SAP130: variants seen among roughly 807,000 people sequenced by gnomAD.
SAP130 encodes the protein histone deacetylase complex subunit SAP130.
Under a neutral mutation model 103.2 loss-of-function variants are expected in SAP130, and 16 were observed. That is an observed-to-expected ratio of 0.16 (90% CI 0.10 to 0.24). The LOEUF is 0.24. Among genes scored for constraint, SAP130 ranks in the 10% least tolerant of loss-of-function variants. The probability of loss-of-function intolerance (pLI) is 1.00; values close to 1 mark genes in which losing one functional copy is unlikely to be tolerated. For missense variants in SAP130, 990 were observed against 1,359.7 expected, an observed-to-expected ratio of 0.73 and a Z score of 4.28; for synonymous variants, 477 against 497.0, an observed-to-expected ratio of 0.96 and a Z score of 0.53.
intron 18 of SAP130, among the ~76,000 whole-genome samples, chr2:127,947,764 C>CTGTGTGTGTGAGTGTGTGTG (rs147211610): frequency 0.066 from 9,395 of 143,258 alleles, 398 homozygotes; most frequent in Middle Eastern, 0.093. Flanking sequence ...TTGTGTGTGT[C>CTGTGTGTGTGAGTGTGTGTG]TGTGTGTGTG....
chr2:128,003,146 G>A (rs1032808563), intron 7 of SAP130, among the ~76,000 whole-genome samples: 11 of 151,710 alleles, frequency 7.3e-5, no homozygotes, highest in Non-Finnish European at 1.6e-4. Context: ...AGACACTTGA[G>A]CCAGCAAAAA....
At chr2:128,004,591 A>T (rs113833001) in intron 7 of SAP130, among the ~76,000 whole-genome samples, 7 of 152,112 alleles carry the variant, frequency 4.6e-5, no homozygotes, top group African/African-American at 1.7e-4. Context: ...GCATAAACTG[A>T]CAGAGAAAAC....
chr2:127,975,908 G>T (rs935775355), intron 15 of SAP130, among the ~76,000 whole-genome samples: 2 of 152,114 alleles, frequency 1.3e-5, no homozygotes, highest in African/African-American at 2.4e-5. Context: ...GCAGTGGTGC[G>T]ATCTTGGCTC....
At chr2:128,018,549 TGA>T (rs1276843580) in intron 2 of SAP130, among the ~76,000 whole-genome samples, 3 of 150,598 alleles carry the variant, frequency 2.0e-5, no homozygotes, top group African/African-American at 7.4e-5. Context: ...CCTAGCATTT[TGA>T]GAGGCCAAGG....
chr2:127,976,061 T>C (rs1444788585), intron 15 of SAP130, among the ~76,000 whole-genome samples: 1 of 152,194 alleles, frequency 6.6e-6, no homozygotes, highest in African/African-American at 2.4e-5. Context: ...TTAGCCAGGA[T>C]GGTCTCTATC....
intron 1 of SAP130, among the ~76,000 whole-genome samples, chr2:128,026,688 G>A (rs1362558411): frequency 6.6e-6 from 1 of 152,212 alleles, no homozygotes; most frequent in East Asian, 1.9e-4. Flanking sequence ...AAGGTGAACA[G>A]AACTGTGATT....
intron 14 of SAP130, among the ~76,000 whole-genome samples, chr2:127,981,198 C>A (rs909287262): frequency 6.6e-6 from 1 of 151,794 alleles, no homozygotes; most frequent in African/African-American, 2.4e-5. Flanking sequence ...TTACAGGATG[C>A]GGTTAACATG....
At chr2:128,014,469 T>C (rs779627595) in intron 5 of SAP130, among the ~76,000 whole-genome samples, 16 of 152,046 alleles carry the variant, frequency 1.1e-4, no homozygotes, top group Admixed American at 5.2e-4. Context: ...CCTGAGTAGA[T>C]GGGACTACAG....
intron 7 of SAP130, among the ~76,000 whole-genome samples, chr2:128,005,035 G>A (rs1022507148): frequency 3.3e-5 from 5 of 152,164 alleles, no homozygotes; most frequent in South Asian, 2.1e-4. Context: ...CTTTCACTAC[G>A]CAGATGAACA....
chr2:127,959,242 A>C (rs1006621367), intron 15 of SAP130, among the ~76,000 whole-genome samples: 2 of 152,186 alleles, frequency 1.3e-5, no homozygotes, highest in Admixed American at 1.3e-4. Context: ...GGAGAAGCTG[A>C]TAACATGGAA....
intron 6 of SAP130, 124 bp downstream of exon 6, chr2:128,012,906 T>C: frequency 1.1e-6 from 1 of 896,270 alleles, no homozygotes; most frequent in South Asian, 2.7e-5. Context: ...ACACTGTGCA[T>C]CTTTCAAACT....
intron 14 of SAP130, among the ~76,000 whole-genome samples, chr2:127,979,231 G>A (rs1044487436): frequency 2.0e-5 from 3 of 152,310 alleles, no homozygotes; most frequent in South Asian, 2.1e-4. Context: ...AGAACACAAA[G>A]ATCAACAGCA....
At chr2:127,964,825 C>A (rs1003678777) in intron 15 of SAP130, among the ~76,000 whole-genome samples, 21 of 151,348 alleles carry the variant, frequency 1.4e-4, no homozygotes, top group Middle Eastern at 3.4e-3. Context: ...GGTGAAACCC[C>A]GTCTCTACTA....
intron 18 of SAP130, among the ~76,000 whole-genome samples, chr2:127,948,957 T>C (rs1245981115): frequency 2.6e-5 from 4 of 152,196 alleles, no homozygotes; most frequent in Admixed American, 1.3e-4. Flanking sequence ...TAGTGGTTCA[T>C]ATCCTACTTC....
Position 127,984,938 on chromosome 2 carries a change from C to T in SAP130, c.1958+1847G>A, listed in dbSNP as rs1573742176. Among the ~76,000 whole-genome samples the T allele has an allele frequency of 2.0e-5, 3 of 152,356 alleles. No homozygotes were observed. In the East Asian group the frequency reaches 5.8e-4, roughly 29 times the overall value. On this transcript the variant is annotated intron_variant, in intron 14 of 20. Coordinates refer to ENST00000643581, the MANE Select transcript of SAP130 (RefSeq NM_001330301.2). Reference sequence around the variant, plus strand: ...GTTTTAACTTATCCTCCTTAAAGGACAGAGCCCCTTCCTTCGCCCCCAGGA... The same window carrying T: ...GTTTTAACTTATCCTCCTTAAAGGATAGAGCCCCTTCCTTCGCCCCCAGGA...
At position 127,964,998 on chromosome 2, in the gene SAP130, C is replaced by CAAAA. The variant is rs33926216; in HGVS notation, c.2064-9658_2064-9655dup. 1.5e-4 allele frequency among the ~76,000 whole-genome samples: 20 copies of CAAAA among 136,446 alleles called. 3 individuals are homozygous for CAAAA. Among genetic ancestry groups the CAAAA allele is most frequent in the East Asian group, 4.4e-4 (2 of 4,524 alleles). 89.5% of individuals were successfully genotyped at this position (136,446 alleles called of 152,430 possible). On this transcript the variant is annotated intron_variant, in intron 15 of 20. Transcript: ENST00000643581. The stretch of plus-strand genomic sequence containing the variant: ...TGGGTGACAGAATGAGACTCTGTCT[C>CAAAA]AAAAAAAAAAAAAACAGGCTGGGTG...
At chr2:127,943,869 C>G (rs111730339) in intron 19 of SAP130, among the ~76,000 whole-genome samples, 7 of 152,300 alleles carry the variant, frequency 4.6e-5, no homozygotes, top group African/African-American at 1.7e-4. Flanking sequence ...AACAAATTAA[C>G]CGTAGCATAC....
chr2:127,982,993 T>C (rs1682061836), intron 14 of SAP130, among the ~76,000 whole-genome samples: 3 of 152,124 alleles, frequency 2.0e-5, no homozygotes, highest in South Asian at 2.1e-4. Flanking sequence ...ATGTGCTAAG[T>C]GCCCAAACTG....
chr2:127,953,738 T>C lies in SAP130; in HGVS notation c.2422+1248A>G, dbSNP rs1679647103. On this transcript the variant is annotated intron_variant, in intron 16 of 20. Transcript: ENST00000643581. This position sits in a 1 kb window ranked among gnomAD's most constrained non-coding sequence, Gnocchi z 4.0. ...TCCTCATGGCCAGGAACTTCATTTC[T>C]TTAATGTCTCTACTCAATGGTCACT... Among the ~76,000 whole-genome samples the C allele has an allele frequency of 6.6e-6, 1 of 152,212 alleles. No individual in the cohort carries two copies. Among genetic ancestry groups the C allele is most frequent in the Non-Finnish European group, 1.5e-5 (1 of 68,050 alleles).
Sources: allele counts gnomAD v4.1 joint callset (sites outside exome capture counted in the v4.1 genomes callset), GRCh38; gene constraint gnomAD v4.1.1; non-coding constraint Gnocchi (gnomAD v3.1); transcripts MANE v1.5; gene names NCBI Gene and HGNC (gene_info 2026-07-23, HGNC 2026-07-21).